PCDHGA2: variants seen among roughly 807,000 people sequenced by gnomAD.
PCDHGA2 encodes protocadherin gamma subfamily A, 2, also known as protocadherin gamma-A2.
Under a neutral mutation model 59.2 loss-of-function variants are expected in PCDHGA2, and 40 were observed. The ratio of observed to expected loss-of-function variants is 0.68; its 90% CI spans 0.52 to 0.88. The LOEUF is 0.88. Ranked by LOEUF, PCDHGA2 falls within the 40% of genes least tolerant of loss-of-function variation. PCDHGA2 has a pLI of 0.00. For missense variants in PCDHGA2, 1,226 were observed against 1,204.0 expected, an observed-to-expected ratio of 1.02 and a Z score of -0.27; for synonymous variants, 560 against 526.0, an observed-to-expected ratio of 1.06 and a Z score of -0.89.
chr5:141,343,606 G>A (rs746498765), intron 1 of PCDHGA2, among the ~76,000 whole-genome samples: 3 of 152,202 alleles, frequency 2.0e-5, no homozygotes, highest in Non-Finnish European at 4.4e-5. Context: ...ATTAAGGTTA[G>A]TGCATGGATT....
chr5:141,364,685 G>A (rs1451666874), intron 1 of PCDHGA2: 1 of 1,613,978 alleles, frequency 6.2e-7, no homozygotes, highest in South Asian at 1.1e-5. Flanking sequence ...AATTTATGGA[G>A]TAGAAGTAGA....
chr5:141,510,451 G>A (rs1330148267), intron 3 of PCDHGA2, among the ~76,000 whole-genome samples: 2 of 152,096 alleles, frequency 1.3e-5, no homozygotes, highest in East Asian at 1.9e-4. Context: ...AGGAGCCCAT[G>A]GTCTAGTGTG....
rs186599132 is a variant in PCDHGA2, at chr5:141,355,599, T to G, written c.2424+14204T>G. The G allele has an allele frequency of 4.5e-5, 73 of 1,613,996 alleles. 1 individual carries two copies. In the African/African-American group the frequency reaches 6.7e-4, roughly 15 times the overall value. ...ATGTTAATGATAACCCACCCAGTTT[T>G]GGGACAGAACAGAGGGAAATAAAAG... On this transcript the variant is annotated intron_variant, in intron 1 of 3. Coordinates refer to ENST00000394576, the MANE Select transcript of PCDHGA2 (RefSeq NM_018915.4).
rs367919924 is a variant in PCDHGA2, at chr5:141,487,711, T to A, written c.2425-7096T>A. The A allele has an allele frequency of 1.1e-5, 18 of 1,586,144 alleles. No individual in the cohort carries two copies. In the African/African-American group the frequency reaches 2.1e-4, roughly 19 times the overall value. On this transcript the variant is annotated intron_variant, in intron 1 of 3. Transcript: ENST00000394576. The surrounding 1 kb of genome is among the most constrained non-coding windows in gnomAD (Gnocchi z 5.0). ...TAGAGAGTACTGGCCTCTCAGTAAG[T>A]GCCCATAGTGATGTCACCATTTTTG...
At chr5:141,395,179 A>G in intron 1 of PCDHGA2, 1 of 1,614,164 alleles carries the variant, frequency 6.2e-7, no homozygotes, top group Non-Finnish European at 8.5e-7. Flanking sequence ...GAGAAAAATG[A>G]TTCTTTGTTA....
At chr5:141,360,128 G>A (rs1761430982) in intron 1 of PCDHGA2, 1 of 1,586,806 alleles carries the variant, frequency 6.3e-7, no homozygotes. Context: ...AGCAAAGGGA[G>A]CCAGAAGATG....
chr5:141,350,137 G>A, intron 1 of PCDHGA2: 1 of 770,114 alleles, frequency 1.3e-6, no homozygotes. Flanking sequence ...CACAGACGCT[G>A]CTCCTGTTCA....
chr5:141,402,892 A>G, intron 1 of PCDHGA2: 10 of 1,498,814 alleles, frequency 6.7e-6, no homozygotes, highest in Non-Finnish European at 8.9e-6. Flanking sequence ...GGTGGAAGAA[A>G]GAACCTGATG....
At chr5:141,347,079 C>G (rs1408500048) in intron 1 of PCDHGA2, among the ~76,000 whole-genome samples, 7 of 150,158 alleles carry the variant, frequency 4.7e-5, no homozygotes, top group Admixed American at 3.3e-4. Flanking sequence ...TCCTCTCTCT[C>G]TTTCCTCCTT....
At chr5:141,360,424 G>A (rs1561520496) in intron 1 of PCDHGA2, 6 of 1,613,958 alleles carry the variant, frequency 3.7e-6, no homozygotes, top group Non-Finnish European at 3.4e-6. Context: ...ACAGATATGC[G>A]GGAAGCAGCC....
rs369793035 is a variant in PCDHGA2, at chr5:141,408,762, A to T, written c.2424+67367A>T. 57 of 1,610,942 alleles carry T rather than the reference A, an allele frequency of 3.5e-5. No homozygotes were observed. The highest frequency in any genetic ancestry group is 4.6e-5 in the Non-Finnish European group (54 of 1,178,454). On this transcript the variant is annotated intron_variant, in intron 1 of 3. Transcript: ENST00000394576. ...TCATTAATGGTTAGAGTTAATTCCG[A>T]TGGTGGCAAATACCCAGAGTTATCT...
At position 141,351,599 on chromosome 5, in the gene PCDHGA2, G is replaced by A. The variant is rs1225223997; in HGVS notation, c.2424+10204G>A. The A allele has an allele frequency of 7.4e-6, 12 of 1,614,054 alleles. No homozygotes were observed. The highest frequency in any genetic ancestry group is 1.0e-5 in the Non-Finnish European group (12 of 1,179,904). On this transcript the variant is annotated intron_variant, in intron 1 of 3. Coordinates refer to ENST00000394576, the MANE Select transcript of PCDHGA2 (RefSeq NM_018915.4). ...CTCCGACATCAACGACAATGCACCTGTTTTCCATCAGGCCTCCTATGTGGT... is the reference window on the plus strand; with the variant it reads ...CTCCGACATCAACGACAATGCACCTATTTTCCATCAGGCCTCCTATGTGGT...
At chr5:141,372,757 T>A (rs1435453699) in intron 1 of PCDHGA2, 1 of 1,613,122 alleles carries the variant, frequency 6.2e-7, no homozygotes, top group Non-Finnish European at 8.5e-7. Context: ...GCCTCTTGGT[T>A]TGAAAGTAAT....
At chr5:141,383,347 G>T in intron 1 of PCDHGA2, 1 of 1,614,012 alleles carries the variant, frequency 6.2e-7, no homozygotes, top group South Asian at 1.1e-5. Flanking sequence ...AGCTCCTGGG[G>T]TTCGGTTTCC....
chr5:141,372,511 C>T, intron 1 of PCDHGA2: 3 of 1,614,022 alleles, frequency 1.9e-6, no homozygotes, highest in Non-Finnish European at 2.5e-6. Context: ...TTCCTCCTCG[C>T]GGTGATTCTG....
rs1485715812 is a variant in PCDHGA2, at chr5:141,485,804, G to T, written c.2425-9003G>T. The T allele has an allele frequency of 6.2e-7, 1 of 1,614,218 alleles. No individual in the cohort carries two copies. The highest frequency in any genetic ancestry group is 1.7e-5 in the Admixed American group (1 of 60,026). ...AGAGAAGCAATCGGACTACCGCCTG[G>T]TGCTGACTGCTGTCGATGGAGGGAA... On this transcript the variant is annotated intron_variant, in intron 1 of 3. Coordinates refer to ENST00000394576, the MANE Select transcript of PCDHGA2 (RefSeq NM_018915.4). This position sits in a 1 kb window ranked among gnomAD's most constrained non-coding sequence, Gnocchi z 5.7.
intron 1 of PCDHGA2, chr5:141,343,241 T>C (rs1757270172): frequency 1.1e-6 from 1 of 912,044 alleles, no homozygotes; most frequent in South Asian, 5.1e-5. Flanking sequence ...TAACAACAAA[T>C]ATCGAAACTA....
Position 141,489,624 on chromosome 5 carries a change from C to T in PCDHGA2, c.2425-5183C>T. 1 of 1,614,088 alleles carries T rather than the reference C, an allele frequency of 6.2e-7. No homozygotes were observed. On this transcript the variant is annotated intron_variant, in intron 1 of 3. Transcript: ENST00000394576. The surrounding 1 kb of genome is among the most constrained non-coding windows in gnomAD (Gnocchi z 4.5). Reference sequence around the variant, plus strand: ...AGGTAGAGATCCTGGATCTCAATGACAACTCTCCTAGCTTTGCCACCCCTG... The same window carrying T: ...AGGTAGAGATCCTGGATCTCAATGATAACTCTCCTAGCTTTGCCACCCCTG...
chr5:141,352,423 C>T, intron 1 of PCDHGA2: 1 of 1,614,070 alleles, frequency 6.2e-7, no homozygotes, highest in Non-Finnish European at 8.5e-7. Flanking sequence ...ACACTGAGGG[C>T]TGCTTTCAAA....
Sources: gnomAD v4.1 joint callset for allele counts (sites outside exome capture counted in the v4.1 genomes callset) on GRCh38, gnomAD v4.1.1 for gene constraint, Gnocchi (gnomAD v3.1) non-coding constraint, MANE v1.5 for transcripts, NCBI Gene and HGNC (gene_info 2026-07-23, HGNC 2026-07-21) for gene names.